Variants in MAK observed in about 807,000 individuals in gnomAD.
The protein encoded by MAK is male germ cell associated kinase, also known as serine/threonine-protein kinase MAK.
MAK carries 65 observed loss-of-function variants against 82.6 expected under a neutral mutation model. That is an observed-to-expected ratio of 0.79 (90% CI 0.64 to 0.97). MAK has a LOEUF of 0.97. Ranked by LOEUF, MAK falls within the 50% of genes least tolerant of loss-of-function variation. The pLI, the probability that MAK is intolerant of heterozygous loss-of-function variation, is 0.00. For synonymous variants in MAK, 250 were observed against 274.2 expected (o/e 0.91, Z 0.87); for missense variants, 703 against 780.2 (o/e 0.90, Z 1.18).
chr6:10,816,923 C>T (rs1402297010), intron 4 of MAK, among the ~76,000 whole-genome samples: 1 of 151,896 alleles, frequency 6.6e-6, no homozygotes, highest in East Asian at 1.9e-4. Flanking sequence ...AGTAAAAAGG[C>T]GTGCATGTCT....
At chr6:10,815,214 G>A (rs1490738921) in intron 4 of MAK, among the ~76,000 whole-genome samples, 1 of 152,066 alleles carries the variant, frequency 6.6e-6, no homozygotes, top group Non-Finnish European at 1.5e-5. Context: ...ATAAAAATGA[G>A]CTGACTGTAC....
At chr6:10,789,396 A>G (rs1479895886) in intron 10 of MAK, among the ~76,000 whole-genome samples, 1 of 152,128 alleles carries the variant, frequency 6.6e-6, no homozygotes, top group African/African-American at 2.4e-5. Context: ...CCAAATCACC[A>G]TGCTTTCCAA....
chr6:10,808,869 A>C lies in MAK; in HGVS notation c.432T>G (p.Phe144Leu). 6.2e-7 allele frequency: 1 copy of C among 1,613,790 alleles called. No individual in the cohort carries two copies. Among genetic ancestry groups the C allele is most frequent in the Non-Finnish European group, 8.5e-7 (1 of 1,179,728 alleles). ...GTGACCTTAATTCTCTTGCAAGTCC[A>C]AAATCAGCAATTTTCACAAGCTCTG... ...MGPELVKIAD[F>L]GLARELRSQP... The change falls in exon 6 of 15, where the codon TTT (phenylalanine) becomes TTG (leucine). Residue 144 changes from phenylalanine (F) to leucine (L), a missense_variant. Coordinates refer to ENST00000354489, the MANE Select transcript of MAK (RefSeq NM_001242957.3).
chr6:10,823,766 G>C (rs1178166955), intron 2 of MAK, among the ~76,000 whole-genome samples: 1 of 152,122 alleles, frequency 6.6e-6, no homozygotes, highest in Non-Finnish European at 1.5e-5. Context: ...CTGACCTCAG[G>C]TGATCCACCC....
At chr6:10,802,807 C>A (rs1776121194) in intron 7 of MAK, among the ~76,000 whole-genome samples, 1 of 152,142 alleles carries the variant, frequency 6.6e-6, no homozygotes, top group African/African-American at 2.4e-5. Flanking sequence ...TACATTAAAG[C>A]TTTAATATCT....
chr6:10,796,362 T>C (rs1210068653), intron 8 of MAK, 53 bp from the exon 9 acceptor site: 3 of 1,444,148 alleles, frequency 2.1e-6, no homozygotes, highest in Non-Finnish European at 2.9e-6. Flanking sequence ...CCTAAATGTA[T>C]TGCACATAAA....
intron 6 of MAK, among the ~76,000 whole-genome samples, chr6:10,804,725 G>A (rs1249698624): frequency 6.6e-6 from 1 of 152,096 alleles, no homozygotes; most frequent in Non-Finnish European, 1.5e-5. Flanking sequence ...CTGCTAAATG[G>A]AAGACACTCT....
At chr6:10,791,870 A>T in intron 9 of MAK, 23 bp from the exon 10 acceptor site, 1 of 1,613,232 alleles carries the variant, frequency 6.2e-7, no homozygotes, top group Non-Finnish European at 8.5e-7. Context: ...ATCAGTCATC[A>T]TAATCTTTAA....
intron 1 of MAK, among the ~76,000 whole-genome samples, chr6:10,832,231 C>T (rs1292135611): frequency 6.6e-6 from 1 of 152,228 alleles, no homozygotes; most frequent in South Asian, 2.1e-4. Context: ...GCGATCCGCC[C>T]GCCTCGGCGG....
At position 10,791,810 on chromosome 6, in the gene MAK, C is replaced by G; in HGVS notation, c.1181G>C (p.Arg394Thr). ...CTTGAAGATAGTCTGACCCCAACGCCTCCTACCACTTTTATGACTCAGTGT... is the reference window on the plus strand; with the variant it reads ...CTTGAAGATAGTCTGACCCCAACGCGTCCTACCACTTTTATGACTCAGTGT... ...NGTLSHKSGRRRWGQTIFKSG... is the reference protein window; with the variant it reads ...NGTLSHKSGRTRWGQTIFKSG... Residue 394 changes from arginine to threonine, a missense_variant, in exon 10 of 15, where the codon AGG (arginine) becomes ACG (threonine). By Grantham distance (71) the Arg-to-Thr change is moderately conservative (BLOSUM62 -1). Transcript: ENST00000354489. 1.2e-6 allele frequency: 2 copies of G among 1,614,172 alleles called. No homozygotes were observed. Among genetic ancestry groups the G allele is most frequent in the Non-Finnish European group, 1.7e-6 (2 of 1,180,028 alleles).
intron 14 of MAK, 50 bp downstream of exon 14, chr6:10,770,060 AT>A (rs1561928765): frequency 6.2e-7 from 1 of 1,613,864 alleles, no homozygotes; most frequent in Admixed American, 1.7e-5. Context: ...AAAAAGGAAA[AT>A]GTTCCTTTCT....
In MAK at chr6:10,823,431, C is replaced by CAAT. The variant is rs201847690; in HGVS notation, c.102-4494_102-4492dup. Among the ~76,000 whole-genome samples the CAAT allele has an allele frequency of 9.7e-3, 1,470 of 152,298 alleles. 12 individuals carry two copies. Among genetic ancestry groups the CAAT allele is most frequent in the Admixed American group, 0.017 (264 of 15,280 alleles). On this transcript the variant is annotated intron_variant, in intron 2 of 14. Transcript: ENST00000354489. Reference sequence around the variant, plus strand: ...AGAATGAAAACACCTTCCAGGTAATCAATTTCCCTTTAAGGGGACATGTTT... The same window carrying CAAT: ...AGAATGAAAACACCTTCCAGGTAATCAATAATTTCCCTTTAAGGGGACATGTTT...
At chr6:10,790,549 GA>G (rs1442605821) in intron 10 of MAK, among the ~76,000 whole-genome samples, 1 of 152,194 alleles carries the variant, frequency 6.6e-6, no homozygotes, top group Non-Finnish European at 1.5e-5. Context: ...TAAACTTCCA[GA>G]AAAGGCTCAG....
chr6:10,834,976 G>A (rs1274388803), intron 1 of MAK, among the ~76,000 whole-genome samples: 1 of 152,194 alleles, frequency 6.6e-6, no homozygotes, highest in African/African-American at 2.4e-5. Context: ...AGCTGGCGCT[G>A]TGGGCATTTA....
chr6:10,830,124 CGTGTGTGTGTGTGT>C (rs35519970), intron 2 of MAK, among the ~76,000 whole-genome samples: 2 of 141,500 alleles, frequency 1.4e-5, no homozygotes, highest in African/African-American at 2.7e-5. Flanking sequence ...CCTGTGTGCA[CGTGTGTGTGTGTGT>C]GTGTGTGTGT....
chr6:10,774,218 T>C (rs1417252682), intron 12 of MAK, among the ~76,000 whole-genome samples: 1 of 150,380 alleles, frequency 6.6e-6, no homozygotes, highest in East Asian at 2.0e-4. Flanking sequence ...TTTTAATTTC[T>C]TGTAACCATA....
intron 2 of MAK, among the ~76,000 whole-genome samples, chr6:10,824,982 C>G (rs1223701984): frequency 6.6e-6 from 1 of 152,192 alleles, no homozygotes; most frequent in Admixed American, 6.5e-5. Flanking sequence ...AGTAAATACT[C>G]ACTCTCTCAG....
rs1045457838 is a variant in MAK at position 10,813,010 on chromosome 6, C to G, written c.358+634G>C. Among the ~76,000 whole-genome samples, 11 of 138,930 alleles carry G rather than the reference C, an allele frequency of 7.9e-5. No homozygotes were observed. In the East Asian group the frequency reaches 1.3e-3, roughly 16 times the overall value. 91.1% of individuals were successfully genotyped at this position (138,930 alleles called of 152,430 possible). A position where few individuals can be genotyped will look rare whatever the true frequency, so the allele number is the denominator to read the frequency against. ...GAACTCCTGACCTAAGGTGATCCCC[C>G]CCCCCGCCTCGGCCTCCCAAAGTGC... On this transcript the variant is annotated intron_variant, in intron 5 of 14. Coordinates refer to ENST00000354489, the MANE Select transcript of MAK (RefSeq NM_001242957.3).
rs144931398 is a variant in MAK at position 10,793,665 on chromosome 6, A to AATGT, written c.1144-1822_1144-1819dup. 0.034 allele frequency among the ~76,000 whole-genome samples: 5,134 copies of AATGT among 152,194 alleles called. 124 individuals are homozygous for AATGT. Among genetic ancestry groups the AATGT allele is most frequent in the African/African-American group, 0.064 (2,656 of 41,524 alleles). On this transcript the variant is annotated intron_variant, in intron 9 of 14. Transcript: ENST00000354489. The surrounding 1 kb of genome is among the most constrained non-coding windows in gnomAD (Gnocchi z 4.6). ...CAGCTCTGGAACTCACCTATATAAA[A>AATGT]ATGTGTGTGTGGCGGGGCTGGGGGC...
Sources: gnomAD v4.1 joint callset for allele counts (sites outside exome capture counted in the v4.1 genomes callset) on GRCh38, gnomAD v4.1.1 for gene constraint, Gnocchi (gnomAD v3.1) non-coding constraint, MANE v1.5 for transcripts, NCBI Gene and HGNC (gene_info 2026-07-23, HGNC 2026-07-21) for gene names.